Variants in SLC22A23 observed in about 807,000 individuals in gnomAD.
SLC22A23 encodes the protein ion transporter protein.
In SLC22A23, 26 loss-of-function variants were observed where a neutral mutation model predicts 61.0. The ratio of observed to expected loss-of-function variants is 0.43; its 90% CI spans 0.31 to 0.59. SLC22A23 has a LOEUF of 0.59. SLC22A23 is among the 20% of genes least tolerant of loss of function. The pLI, the probability that SLC22A23 is intolerant of heterozygous loss-of-function variation, is 0.11. For synonymous variants in SLC22A23, 430 were observed against 413.9 expected, an observed-to-expected ratio of 1.04 and a Z score of -0.47; for missense variants, 796 against 934.7, an observed-to-expected ratio of 0.85 and a Z score of 1.94.
rs1767347033 is a variant in SLC22A23, at chr6:3,386,886, C to T, written c.913+23302G>A. Among the ~76,000 whole-genome samples, 1 of 152,224 alleles carries T rather than the reference C, an allele frequency of 6.6e-6. No individual in the cohort carries two copies. The highest frequency in any genetic ancestry group is 2.4e-5 in the African/African-American group (1 of 41,450). ...CCGGCACCCCAGGGCGGGGCAGGCA[C>T]CCCAGGGTGCAGCAGGCCTTTCTCT... On this transcript the variant is annotated intron_variant, in intron 3 of 9. Transcript: ENST00000406686. This position sits in a 1 kb window ranked among gnomAD's most constrained non-coding sequence, Gnocchi z 4.4.
rs74450710 is a variant in SLC22A23 at position 3,325,757 on chromosome 6, G to A, written c.914-1755C>T. Reference sequence around the variant, plus strand: ...CACAAGCAGTAAATTGGCTGCTATGGAAACCAGAAATCTATATTAGCCACG... The same window carrying A: ...CACAAGCAGTAAATTGGCTGCTATGAAAACCAGAAATCTATATTAGCCACG... On this transcript the variant is annotated intron_variant, in intron 3 of 9. Coordinates refer to ENST00000406686, the MANE Select transcript of SLC22A23 (RefSeq NM_015482.2). 7.9e-3 allele frequency among the ~76,000 whole-genome samples: 1,197 copies of A among 152,336 alleles called. 16 individuals carry two copies. Among genetic ancestry groups the A allele is most frequent in the African/African-American group, 0.026 (1,072 of 41,562 alleles).
At chr6:3,346,759 T>C (rs1451929000) in intron 3 of SLC22A23, among the ~76,000 whole-genome samples, 1 of 152,180 alleles carries the variant, frequency 6.6e-6, no homozygotes, top group Non-Finnish European at 1.5e-5. Context: ...TTCCCTGTCA[T>C]GCCTTTGCTC....
rs115961707 is a variant in SLC22A23, at chr6:3,323,908, G to A, written c.1008C>T (p.Ala336=). Residue 336 remains alanine (A), a synonymous_variant, in exon 4 of 10, where the codon GCC becomes GCT. Transcript: ENST00000406686. ...MAGQFLMPGL[A]ALCRDWQVLQ... Reference sequence around the variant, plus strand: ...GCACCTGCCAATCCCGGCACAGGGCGGCTAGCCCAGGCATGAGGAACTGGC... The same window carrying A: ...GCACCTGCCAATCCCGGCACAGGGCAGCTAGCCCAGGCATGAGGAACTGGC... 686 of 1,614,202 alleles carry A rather than the reference G, an allele frequency of 4.2e-4. No individual in the cohort carries two copies. The highest frequency in any genetic ancestry group is 5.2e-4 in the Non-Finnish European group (618 of 1,180,026).
chr6:3,335,372 T>C (rs1472547996), intron 3 of SLC22A23, among the ~76,000 whole-genome samples: 1 of 152,178 alleles, frequency 6.6e-6, no homozygotes, highest in Non-Finnish European at 1.5e-5. Context: ...TCTCACACAG[T>C]GTCTGCCTTT....
At chr6:3,366,559 T>C (rs1231505922) in intron 3 of SLC22A23, among the ~76,000 whole-genome samples, 2 of 152,096 alleles carry the variant, frequency 1.3e-5, no homozygotes, top group Non-Finnish European at 2.9e-5. Context: ...TCTTCCTTTA[T>C]TAGTATTATT....
At chr6:3,296,136 G>A (rs548849051) in intron 5 of SLC22A23, among the ~76,000 whole-genome samples, 4 of 152,302 alleles carry the variant, frequency 2.6e-5, no homozygotes, top group African/African-American at 9.6e-5. Flanking sequence ...TGTACTGTAA[G>A]CCTAAGAGCA....
chr6:3,292,383 C>A (rs997407377), intron 5 of SLC22A23, among the ~76,000 whole-genome samples: 8 of 152,190 alleles, frequency 5.3e-5, no homozygotes, highest in African/African-American at 1.9e-4. Flanking sequence ...AGAGACTTCT[C>A]TAAACTCCTC....
At chr6:3,437,637 T>C (rs1252288937) in intron 1 of SLC22A23, among the ~76,000 whole-genome samples, 2 of 151,484 alleles carry the variant, frequency 1.3e-5, no homozygotes, top group Non-Finnish European at 2.9e-5. Flanking sequence ...TGCAGAGAGC[T>C]GAGATCGTGC....
At position 3,393,084 on chromosome 6, in the gene SLC22A23, C is replaced by T. The variant is rs144439024; in HGVS notation, c.913+17104G>A. On this transcript the variant is annotated intron_variant, in intron 3 of 9. Coordinates refer to ENST00000406686, the MANE Select transcript of SLC22A23 (RefSeq NM_015482.2). ...AGAAGAGGGTGTGGTCAAGCTGGGT[C>T]AGACACTGCTGAGAAGTTCAGATAA... 8.5e-5 allele frequency among the ~76,000 whole-genome samples: 13 copies of T among 152,260 alleles called. No homozygotes were observed. In the East Asian group the frequency reaches 2.3e-3, roughly 27 times the overall value.
rs181181502 is a variant in SLC22A23 at position 3,414,779 on chromosome 6, C to T, written c.758+973G>A. On this transcript the variant is annotated intron_variant, in intron 2 of 9. Transcript: ENST00000406686. This position sits in a 1 kb window ranked among gnomAD's most constrained non-coding sequence, Gnocchi z 5.1. ...GATAAAAGAATGTAAGCTGGGGAGA[C>T]AGTTACACTACGCCTCTCTCCTGAG... Among the ~76,000 whole-genome samples, 28 of 147,658 alleles carry T rather than the reference C, an allele frequency of 1.9e-4. No homozygotes were observed. Among genetic ancestry groups the T allele is most frequent in the African/African-American group, 6.8e-4 (27 of 39,876 alleles).
At chr6:3,301,755 C>T (rs998793041) in intron 4 of SLC22A23, among the ~76,000 whole-genome samples, 3 of 152,200 alleles carry the variant, frequency 2.0e-5, no homozygotes, top group African/African-American at 7.2e-5. Context: ...TTTTCATTGC[C>T]CCAGCAATCT....
intron 3 of SLC22A23, among the ~76,000 whole-genome samples, chr6:3,406,821 T>C (rs965740158): frequency 6.6e-6 from 1 of 151,762 alleles, no homozygotes; most frequent in Non-Finnish European, 1.5e-5. Flanking sequence ...ACATGTAAAG[T>C]GTAGAGTATT....
chr6:3,387,614 T>C lies in SLC22A23; in HGVS notation c.913+22574A>G, dbSNP rs1257709293. ...AGCTCTGGGGACCGTAGCGTGGTTA[T>C]GTGAGTTCACGTTAGCGGAAGGCGG... On this transcript the variant is annotated intron_variant, in intron 3 of 9. Coordinates refer to ENST00000406686, the MANE Select transcript of SLC22A23 (RefSeq NM_015482.2). This position sits in a 1 kb window ranked among gnomAD's most constrained non-coding sequence, Gnocchi z 5.0. 6.6e-6 allele frequency among the ~76,000 whole-genome samples: 1 copy of C among 152,254 alleles called. No individual in the cohort carries two copies. Among genetic ancestry groups the C allele is most frequent in the African/African-American group, 2.4e-5 (1 of 41,476 alleles).
chr6:3,434,739 C>T lies in SLC22A23; in HGVS notation c.655-18884G>A, dbSNP rs551450473. On this transcript the variant is annotated intron_variant, in intron 1 of 9. Coordinates refer to ENST00000406686, the MANE Select transcript of SLC22A23 (RefSeq NM_015482.2). ...AGGTCAGGCAGCAGAACGGAGGAGA[C>T]GCGAGGGGTGTGGCCAATCCACCAA... is the stretch of plus-strand genomic sequence containing the variant. 2.6e-5 allele frequency among the ~76,000 whole-genome samples: 4 copies of T among 152,240 alleles called. No homozygotes were observed. The East Asian group carries it at 5.8e-4, about 22-fold the overall frequency.
At chr6:3,274,108 G>A (rs1455795072) in intron 9 of SLC22A23, among the ~76,000 whole-genome samples, 1 of 152,216 alleles carries the variant, frequency 6.6e-6, no homozygotes, top group East Asian at 1.9e-4. Context: ...CAGAAGGCAA[G>A]CCATTGATTT....
chr6:3,454,969 A>G lies in SLC22A23; in HGVS notation c.654+937T>C, dbSNP rs2127561700. ...GTGGGGTGGAGGAGAGTCTGTATTT[A>G]CTTTAAAATGTGAATTAATTAGTTT... On this transcript the variant is annotated intron_variant, in intron 1 of 9. Coordinates refer to ENST00000406686, the MANE Select transcript of SLC22A23 (RefSeq NM_015482.2). This position sits in a 1 kb window ranked among gnomAD's most constrained non-coding sequence, Gnocchi z 4.3. Among the ~76,000 whole-genome samples, 1 of 152,362 alleles carries G rather than the reference A, an allele frequency of 6.6e-6. No individual in the cohort carries two copies. Among genetic ancestry groups the G allele is most frequent in the East Asian group, 1.9e-4 (1 of 5,194 alleles).
chr6:3,287,869 G>C (rs1000256417), intron 6 of SLC22A23, among the ~76,000 whole-genome samples: 6 of 152,154 alleles, frequency 3.9e-5, no homozygotes, highest in African/African-American at 1.4e-4. Context: ...TTTTTTGGTA[G>C]AGACAGGGTT....
Position 3,308,797 on chromosome 6 carries a change from G to A in SLC22A23, c.1083-10579C>T, listed in dbSNP as rs1419045106. On this transcript the variant is annotated intron_variant, in intron 4 of 9. Transcript: ENST00000406686. The surrounding 1 kb of genome is among the most constrained non-coding windows in gnomAD (Gnocchi z 5.1). The stretch of plus-strand genomic sequence containing the variant: ...GTCTCTACTAAAAATACAGAAATTA[G>A]CCAAGCATGGTGGCGCAGGCCTGTA... Among the ~76,000 whole-genome samples the A allele has an allele frequency of 5.3e-5, 8 of 151,852 alleles. No homozygotes were observed. The highest frequency in any genetic ancestry group is 3.9e-4 in the Admixed American group (6 of 15,234).
chr6:3,439,707 C>T (rs1771464445), intron 1 of SLC22A23, among the ~76,000 whole-genome samples: 1 of 152,142 alleles, frequency 6.6e-6, no homozygotes, highest in African/African-American at 2.4e-5. Context: ...TCCTTACTGG[C>T]ACCATGCAGG....
Sources: allele counts gnomAD v4.1 joint callset (sites outside exome capture counted in the v4.1 genomes callset), GRCh38; gene constraint gnomAD v4.1.1; non-coding constraint Gnocchi (gnomAD v3.1); transcripts MANE v1.5; gene names NCBI Gene and HGNC (gene_info 2026-07-23, HGNC 2026-07-21).